SYNC: variants seen among roughly 807,000 people sequenced by gnomAD.
The protein encoded by SYNC is syncoilin.
Under a neutral mutation model 49.5 loss-of-function variants are expected in SYNC, and 38 were observed. That is an observed-to-expected ratio of 0.77 (90% CI 0.59 to 1.01). The LOEUF is 1.01. Ranked by LOEUF, SYNC falls within the 50% of genes least tolerant of loss-of-function variation. SYNC has a pLI of 0.00. For synonymous variants in SYNC, 201 were observed against 230.8 expected (o/e 0.87, Z 1.17); for missense variants, 579 against 580.6 (o/e 1.00, Z 0.03).
intron 2 of SYNC, among the ~76,000 whole-genome samples, chr1:32,688,841 A>G (rs1055423399): frequency 2.6e-5 from 4 of 151,978 alleles, no homozygotes; most frequent in African/African-American, 7.3e-5. Context: ...TCTGCCTCCC[A>G]AAGTGCTGGG....
In SYNC at chr1:32,680,660, G is replaced by C. The variant is rs1304109029; in HGVS notation, c.*1190C>G. On this transcript the variant is annotated 3_prime_UTR_variant, in exon 5 of 5. Coordinates refer to ENST00000409190, the MANE Select transcript of SYNC (RefSeq NM_030786.3). ...AAATTGCTTTTCTACATAACCCCAT[G>C]CTGATGGGTTTTATTTAGTATAAAA... 1.0e-6 allele frequency: 1 copy of C among 981,110 alleles called. No homozygotes were observed. Among genetic ancestry groups the C allele is most frequent in the East Asian group, 2.7e-5 (1 of 37,310 alleles). 60.8% of individuals were successfully genotyped at this position (981,110 alleles called of 1,614,324 possible).
intron 2 of SYNC, among the ~76,000 whole-genome samples, chr1:32,686,822 G>A (rs565862880): frequency 6.6e-6 from 1 of 152,290 alleles, no homozygotes; most frequent in East Asian, 1.9e-4. Context: ...CCAACTTAGT[G>A]ATAGAGCCAG....
Position 32,681,754 on chromosome 1 carries a change from C to G in SYNC, c.*96G>C. On this transcript the variant is annotated 3_prime_UTR_variant, in exon 5 of 5. Transcript: ENST00000409190. The stretch of plus-strand genomic sequence containing the variant: ...AATTGCTTGCCAAGTTTCTGGCACT[C>G]TTGTCTGGTTGGAAGAGTACATCCA... 6.2e-7 allele frequency: 1 copy of G among 1,606,400 alleles called. No homozygotes were observed. Among genetic ancestry groups the G allele is most frequent in the Non-Finnish European group, 8.5e-7 (1 of 1,174,110 alleles).
intron 1 of SYNC, among the ~76,000 whole-genome samples, chr1:32,697,563 C>A (rs540305912): frequency 6.6e-6 from 1 of 151,762 alleles, no homozygotes; most frequent in East Asian, 2.0e-4. Flanking sequence ...GGCGAAACCC[C>A]ATCTCTACAA....
intron 3 of SYNC, 48 bp from the exon 4 acceptor site, chr1:32,684,137 T>C (rs1179633164): frequency 6.2e-7 from 1 of 1,607,478 alleles, no homozygotes; most frequent in African/African-American, 1.3e-5. Context: ...ATAAGCACAA[T>C]TTGAAAATCA....
intron 1 of SYNC, among the ~76,000 whole-genome samples, 187 bp from the exon 2 acceptor site, chr1:32,696,231 C>T (rs1570923323): frequency 1.4e-5 from 2 of 142,662 alleles, no homozygotes; most frequent in African/African-American, 5.2e-5. Context: ...CTGCCAGCAT[C>T]CCAGCGACAT....
chr1:32,698,939 C>T (rs934569937), intron 1 of SYNC, among the ~76,000 whole-genome samples: 2 of 151,672 alleles, frequency 1.3e-5, no homozygotes, highest in Non-Finnish European at 2.9e-5. Context: ...TAGCGCCACA[C>T]CCGCTAATTT....
At chr1:32,687,833 A>AATAATTATTATT (rs1553199360) in intron 2 of SYNC, among the ~76,000 whole-genome samples, 37 of 38,236 alleles carry the variant, frequency 9.7e-4, no homozygotes, top group African/African-American at 1.6e-3. Flanking sequence ...CTGCCCAGTG[A>AATAATTATTATT]ATTATTATTA....
Position 32,684,066 on chromosome 1 carries a change from A to G in SYNC, c.1382T>C (p.Leu461Pro), listed in dbSNP as rs769743641. 1.5e-5 allele frequency: 25 copies of G among 1,614,010 alleles called. No homozygotes were observed. Among genetic ancestry groups the G allele is most frequent in the Non-Finnish European group, 1.9e-5 (23 of 1,180,046 alleles). ...TYKAMLLPKS[L>P]EQADAPTSQA... ...AGAAGTGGGAGCATCAGCCTGTTCC[A>G]GGCTCTTGGGTAGTAGCATAGCCCT... Residue 461 changes from leucine (L) to proline (P), a missense_variant, in exon 4 of 5, where the codon CTG becomes CCG. Physicochemically the swap from Leu to Pro is moderately conservative, Grantham distance 98 (BLOSUM62 -3). Transcript: ENST00000409190.
Position 32,680,281 on chromosome 1 carries a change from C to T in SYNC, c.*1569G>A, listed in dbSNP as rs564985598. 62 of 1,248,718 alleles carry T rather than the reference C, an allele frequency of 5.0e-5. 1 individual carries two copies. The Admixed American group carries it at 1.3e-3, about 26-fold the overall frequency. 77.4% of individuals were successfully genotyped at this position (1,248,718 alleles called of 1,614,324 possible). The stretch of plus-strand genomic sequence containing the variant: ...CCCCATATATTCATATATTTTTGCT[C>T]GTTAGTGTATTTCTTGAGCTGTTTT... On this transcript the variant is annotated 3_prime_UTR_variant, in exon 5 of 5. Coordinates refer to ENST00000409190, the MANE Select transcript of SYNC (RefSeq NM_030786.3).
At position 32,695,503 on chromosome 1, in the gene SYNC, C is replaced by T; in HGVS notation, c.595G>A (p.Glu199Lys). The change falls in exon 2 of 5, where the codon GAG (glutamate) becomes AAG (lysine). Residue 199 changes from glutamate to lysine, a missense_variant. Transcript: ENST00000409190. ...GCTGGTTCCCGGAGCAATACAAGCTCATGGATGAGCTGATCCCTCTCCTCT... is the reference window on the plus strand; with the variant it reads ...GCTGGTTCCCGGAGCAATACAAGCTTATGGATGAGCTGATCCCTCTCCTCT... ...LEEERDQLIH[E>K]LVLLREPALQ... 3 of 1,551,422 alleles carry T rather than the reference C, an allele frequency of 1.9e-6. No homozygotes were observed. The highest frequency in any genetic ancestry group is 2.6e-6 in the Non-Finnish European group (3 of 1,146,980).
At chr1:32,689,096 G>A (rs1007449082) in intron 2 of SYNC, among the ~76,000 whole-genome samples, 5 of 150,784 alleles carry the variant, frequency 3.3e-5, no homozygotes, top group East Asian at 2.0e-4. Context: ...ATGCCACCAC[G>A]CCCAGCTAAT....
chr1:32,680,179 C>A lies in SYNC; in HGVS notation c.*1671G>T. 2 of 1,091,116 alleles carry A rather than the reference C, an allele frequency of 1.8e-6. No homozygotes were observed. Among genetic ancestry groups the A allele is most frequent in the Non-Finnish European group, 2.2e-6 (2 of 898,520 alleles). The allele number at this position is 1,091,116 out of a possible 1,614,324, so 67.6% of individuals were successfully genotyped here. On this transcript the variant is annotated 3_prime_UTR_variant, in exon 5 of 5. Coordinates refer to ENST00000409190, the MANE Select transcript of SYNC (RefSeq NM_030786.3). ...CTCGAAAATCTTGACACCTGACTTTCCAGGATGCACATTTTCATACGTAGA... is the reference window on the plus strand; with the variant it reads ...CTCGAAAATCTTGACACCTGACTTTACAGGATGCACATTTTCATACGTAGA...
chr1:32,702,675 G>A lies in SYNC; in HGVS notation c.-15C>T, dbSNP rs1650715647. 8.5e-7 allele frequency: 1 copy of A among 1,176,364 alleles called. No homozygotes were observed. The highest frequency in any genetic ancestry group is 1.6e-5 in the African/African-American group (1 of 62,206). The allele number at this position is 1,176,364 out of a possible 1,614,324, so 72.9% of individuals were successfully genotyped here. A position where few individuals can be genotyped will look rare whatever the true frequency, so the allele number is the denominator to read the frequency against. On this transcript the variant is annotated 5_prime_UTR_variant, in exon 1 of 5. Transcript: ENST00000409190. The surrounding 1 kb of genome is among the most constrained non-coding windows in gnomAD (Gnocchi z 6.2). Reference sequence around the variant, plus strand: ...GGGCTGGCCATGGCTGCGCGACCCCGGGCTGGCGGCCGCGTTATTAATAGC... The same window carrying A: ...GGGCTGGCCATGGCTGCGCGACCCCAGGCTGGCGGCCGCGTTATTAATAGC...
intron 2 of SYNC, among the ~76,000 whole-genome samples, chr1:32,691,256 G>A (rs1391001259): frequency 1.4e-4 from 19 of 140,718 alleles, no homozygotes; most frequent in African/African-American, 5.1e-5. Context: ...TTTGCCAGGC[G>A]TGGCACTGTG....
chr1:32,692,987 A>G (rs1452771480), intron 2 of SYNC, among the ~76,000 whole-genome samples: 8 of 151,944 alleles, frequency 5.3e-5, no homozygotes, highest in Admixed American at 1.3e-4. Context: ...TGGGTGAAAG[A>G]GCAAGACTCT....
At position 32,694,875 on chromosome 1, in the gene SYNC, T is replaced by A. The variant is rs770485743; in HGVS notation, c.1223A>T (p.Gln408Leu). The A allele has an allele frequency of 6.2e-6, 10 of 1,606,094 alleles. No homozygotes were observed. Among genetic ancestry groups the A allele is most frequent in the African/African-American group, 1.3e-5 (1 of 74,422 alleles). ...GCCCAATGGGCCTACCCTGTACTGC[T>A]GCACCTCTTCATCTCGTTTTTGCCT... ...LVRQKRDEEV[Q>L]QYREQLEEME... Residue 408 changes from glutamine to leucine, a missense_variant, in exon 2 of 5, where the codon CAG becomes CTG. Transcript: ENST00000409190.
Position 32,691,309 on chromosome 1 carries a change from T to C in SYNC, c.1233+3556A>G, listed in dbSNP as rs572284229. On this transcript the variant is annotated intron_variant, in intron 2 of 4. Transcript: ENST00000409190. ...ACTCGGGAGGCTGAGGCAGGAGAAC[T>C]GCTTGAACCCGGGAGGTAGAGGTTG... 9.3e-3 allele frequency among the ~76,000 whole-genome samples: 1,332 copies of C among 143,642 alleles called. 9 individuals are homozygous for C. The highest frequency in any genetic ancestry group is 0.032 in the East Asian group (141 of 4,376). 94.2% of individuals were successfully genotyped at this position (143,642 alleles called of 152,430 possible).
At chr1:32,693,996 G>A (rs1650287355) in intron 2 of SYNC, among the ~76,000 whole-genome samples, 1 of 152,066 alleles carries the variant, frequency 6.6e-6, no homozygotes, top group African/African-American at 2.4e-5. Context: ...TAGCTCTTTG[G>A]GAGGCCAAGG....
Sources: allele counts gnomAD v4.1 joint callset (sites outside exome capture counted in the v4.1 genomes callset), GRCh38; gene constraint gnomAD v4.1.1; non-coding constraint Gnocchi (gnomAD v3.1); transcripts MANE v1.5; gene names NCBI Gene and HGNC (gene_info 2026-07-23, HGNC 2026-07-21).